The following LAMP5 variants were observed in gnomAD, a reference collection of about 807,000 sequenced individuals.
The protein encoded by LAMP5 is lysosome associated membrane protein 5, also known as lysosome-associated membrane glycoprotein 5.
LAMP5 carries 36 observed loss-of-function variants against 30.2 expected under a neutral mutation model. The ratio of observed to expected loss-of-function variants is 1.19; its 90% CI spans 0.91 to 1.57. The LOEUF is 1.57. Among genes scored for constraint, LAMP5 ranks in the 40% most tolerant of loss-of-function variants. LAMP5 has a pLI of 0.00. For missense variants in LAMP5, 377 were observed against 354.9 expected (o/e 1.06, Z -0.50); for synonymous variants, 149 against 134.6 (o/e 1.11, Z -0.74).
At chr20:9,529,225 C>G (rs2045133916) in intron 5 of LAMP5, among the ~76,000 whole-genome samples, 1 of 152,210 alleles carries the variant, frequency 6.6e-6, no homozygotes. Context: ...CATTCCACAT[C>G]ATCACCAACA....
chr20:9,514,660 T>G lies in LAMP5; in HGVS notation c.-193T>G, dbSNP rs1603165543. ...TCCTCCGCAGTGAGCCGATTTGCTC[T>G]GCCAGCAGCTGTCGGTGCCGCGCTC... is the stretch of plus-strand genomic sequence containing the variant. On this transcript the variant is annotated 5_prime_UTR_variant, in exon 1 of 6. Coordinates refer to ENST00000246070, the MANE Select transcript of LAMP5 (RefSeq NM_012261.4). The G allele has an allele frequency of 1.3e-5, 7 of 542,830 alleles. No homozygotes were observed. The East Asian group carries it at 2.2e-4, about 17-fold the overall frequency. 33.6% of individuals were successfully genotyped at this position (542,830 alleles called of 1,614,324 possible). A position where few individuals can be genotyped will look rare whatever the true frequency, so the allele number is the denominator to read the frequency against.
Position 9,518,163 on chromosome 20 carries a change from C to T in LAMP5, c.599C>T (p.Thr200Ile). ...LASSDPQKTVTMILSAVHIQP... is the reference protein window; with the variant it reads ...LASSDPQKTVIMILSAVHIQP... ...TCTAGTGATCCGCAGAAGACGGTCACCATGATCCTGTCTGCGGTCCACATC... is the reference window on the plus strand; with the variant it reads ...TCTAGTGATCCGCAGAAGACGGTCATCATGATCCTGTCTGCGGTCCACATC... Residue 200 changes from threonine to isoleucine, a missense_variant, in exon 5 of 6, where the codon ACC (threonine) becomes ATC (isoleucine). Transcript: ENST00000246070. The T allele has an allele frequency of 6.2e-7, 1 of 1,614,166 alleles. No homozygotes were observed. Among genetic ancestry groups the T allele is most frequent in the Non-Finnish European group, 8.5e-7 (1 of 1,180,014 alleles).
intron 5 of LAMP5, among the ~76,000 whole-genome samples, chr20:9,526,122 G>A (rs955005939): frequency 6.6e-6 from 1 of 152,162 alleles, no homozygotes; most frequent in Non-Finnish European, 1.5e-5. Flanking sequence ...GTAGCAGCCT[G>A]GAAAGGTGCA....
chr20:9,516,053 C>T lies in LAMP5; in HGVS notation c.291C>T (p.Gly97=). 1 of 1,540,930 alleles carries T rather than the reference C, an allele frequency of 6.5e-7. No homozygotes were observed. The highest frequency in any genetic ancestry group is 8.7e-7 in the Non-Finnish European group (1 of 1,150,374). ...TGACCCGGGGAGCTGAGGTGAAGGG[C>T]CGCTGTGGCCACAGCCAGTCGGAGC... ...IALTRGAEVK[G]RCGHSQSELQ... is the part of the protein sequence containing the mutation. The change falls in exon 3 of 6, where the codon GGC becomes GGT. Residue 97 remains glycine (G), a synonymous_variant. Coordinates refer to ENST00000246070, the MANE Select transcript of LAMP5 (RefSeq NM_012261.4).
At position 9,516,083 on chromosome 20, in the gene LAMP5, A is replaced by G. The variant is rs779553604; in HGVS notation, c.321A>G (p.Gln107=). The change falls in exon 3 of 6, where the codon CAA becomes CAG. Residue 107 remains glutamine (Q), a synonymous_variant. Transcript: ENST00000246070. ...GTGGCCACAGCCAGTCGGAGCTGCA[A>G]GTGTTCTGGGTGGATCGCGCATATG... ...GRCGHSQSEL[Q]VFWVDRAYAL... The G allele has an allele frequency of 9.0e-6, 14 of 1,549,052 alleles. 1 individual carries two copies. The highest frequency in any genetic ancestry group is 7.6e-5 in the South Asian group (6 of 78,572).
intron 5 of LAMP5, among the ~76,000 whole-genome samples, chr20:9,528,862 T>G (rs2045131680): frequency 1.3e-5 from 2 of 152,226 alleles, no homozygotes; most frequent in Non-Finnish European, 2.9e-5. Flanking sequence ...ATACACTCCT[T>G]GTGTCTGGCA....
chr20:9,516,169 C>T, intron 3 of LAMP5, 38 bp downstream of exon 3: 1 of 1,593,566 alleles, frequency 6.3e-7, no homozygotes, highest in Non-Finnish European at 8.6e-7. Context: ...GCCGCAGGCT[C>T]CGCGTGGGTG....
At chr20:9,528,829 A>T (rs1449918753) in intron 5 of LAMP5, among the ~76,000 whole-genome samples, 2 of 152,190 alleles carry the variant, frequency 1.3e-5, no homozygotes, top group Non-Finnish European at 2.9e-5. Flanking sequence ...TGAACTTCAT[A>T]TAAATGGAAT....
Position 9,515,396 on chromosome 20 carries a change from G to A in LAMP5, c.65-57G>A. 6 of 1,538,236 alleles carry A rather than the reference G, an allele frequency of 3.9e-6. No homozygotes were observed. The South Asian group carries it at 6.2e-5, about 16-fold the overall frequency. ...CAGAGCACTGTCTCCCCACCCTAGC[G>A]CCCGAGACGCGTGGGCTGAGCCCTG... is the stretch of plus-strand genomic sequence containing the variant. On this transcript the variant is annotated intron_variant, in intron 1 of 5. Transcript: ENST00000246070.
Position 9,516,106 on chromosome 20 carries a change from A to G in LAMP5, c.344A>G (p.Tyr115Cys). Residue 115 changes from tyrosine (Y) to cysteine (C), a missense_variant, in exon 3 of 6, where the codon TAT becomes TGT. Physicochemically the swap from Tyr to Cys is radical, Grantham distance 194. Coordinates refer to ENST00000246070, the MANE Select transcript of LAMP5 (RefSeq NM_012261.4). ...ELQVFWVDRA[Y>C]ALKMLFVKES... ...CAAGTGTTCTGGGTGGATCGCGCAT[A>G]TGCACTCAAAATGCTCTTTGTAAAG... 6.5e-7 allele frequency: 1 copy of G among 1,549,970 alleles called. No individual in the cohort carries two copies. The highest frequency in any genetic ancestry group is 8.7e-7 in the Non-Finnish European group (1 of 1,153,150).
In LAMP5 at chr20:9,529,841, C is replaced by G; in HGVS notation, c.*21C>G. On this transcript the variant is annotated 3_prime_UTR_variant, in exon 6 of 6. Coordinates refer to ENST00000246070, the MANE Select transcript of LAMP5 (RefSeq NM_012261.4). Reference sequence around the variant, plus strand: ...GCTAGAGGCCGTTAGGCAGGCACCCCCTATTCCTGCTCCCCCAACTGGATC... The same window carrying G: ...GCTAGAGGCCGTTAGGCAGGCACCCGCTATTCCTGCTCCCCCAACTGGATC... 6.2e-7 allele frequency: 1 copy of G among 1,611,066 alleles called. No individual in the cohort carries two copies.
chr20:9,522,619 G>A (rs1010592898), intron 5 of LAMP5, among the ~76,000 whole-genome samples: 1 of 152,214 alleles, frequency 6.6e-6, no homozygotes, highest in Non-Finnish European at 1.5e-5. Flanking sequence ...CCTCTGGAGA[G>A]AGCATAAGAT....
At chr20:9,518,319 T>C (rs2045057019) in intron 5 of LAMP5, 91 bp downstream of exon 5, 1 of 1,126,036 alleles carries the variant, frequency 8.9e-7, no homozygotes, top group Non-Finnish European at 1.3e-6. Flanking sequence ...ATGTTACCAC[T>C]TGGATTTCCT....
intron 5 of LAMP5, among the ~76,000 whole-genome samples, chr20:9,528,322 G>A (rs551872239): frequency 2.7e-5 from 2 of 73,062 alleles, no homozygotes; most frequent in Admixed American, 1.4e-4. Flanking sequence ...GTGTGTGTGT[G>A]CGTGTGTGTG....
chr20:9,526,898 A>G (rs985410950), intron 5 of LAMP5, among the ~76,000 whole-genome samples: 5 of 137,936 alleles, frequency 3.6e-5, no homozygotes, highest in African/African-American at 1.3e-4. Flanking sequence ...ATATATATAT[A>G]TATACACACA....
intron 2 of LAMP5, 50 bp from the exon 3 acceptor site, chr20:9,515,950 C>T (rs1387432083): frequency 6.9e-7 from 1 of 1,448,882 alleles, no homozygotes; most frequent in Non-Finnish European, 9.1e-7. Flanking sequence ...TTACAGCCCC[C>T]GCCCCGGGGC....
intron 5 of LAMP5, among the ~76,000 whole-genome samples, chr20:9,524,120 A>G (rs2045096241): frequency 6.6e-6 from 1 of 152,226 alleles, no homozygotes; most frequent in Non-Finnish European, 1.5e-5. Flanking sequence ...TCACTGCTTT[A>G]TAATCATGGC....
chr20:9,530,040 TGGGGAGGA>T lies in LAMP5; in HGVS notation c.*232_*239del, dbSNP rs1253830829. 1 of 435,984 alleles carries T rather than the reference TGGGGAGGA, an allele frequency of 2.3e-6. No individual in the cohort carries two copies. Among genetic ancestry groups the T allele is most frequent in the Admixed American group, 3.6e-5 (1 of 27,668 alleles). 27.0% of individuals were successfully genotyped at this position (435,984 alleles called of 1,614,324 possible). ...GAAATGGCAATTATTCTCTCCATGC[TGGGGAGGA>T]GGGGAGGAGGGTCTCAGACAGCTTT... On this transcript the variant is annotated 3_prime_UTR_variant, in exon 6 of 6. Coordinates refer to ENST00000246070, the MANE Select transcript of LAMP5 (RefSeq NM_012261.4).
At chr20:9,519,643 G>A (rs1428873065) in intron 5 of LAMP5, among the ~76,000 whole-genome samples, 2 of 152,176 alleles carry the variant, frequency 1.3e-5, no homozygotes, top group African/African-American at 4.8e-5. Context: ...GCATAATCAA[G>A]TATAATTTGA....
Sources: gnomAD v4.1 joint callset for allele counts (sites outside exome capture counted in the v4.1 genomes callset) on GRCh38, gnomAD v4.1.1 for gene constraint, MANE v1.5 for transcripts, NCBI Gene and HGNC (gene_info 2026-07-23, HGNC 2026-07-21) for gene names.